UNC5C: variants seen among roughly 807,000 people sequenced by gnomAD.
The protein encoded by UNC5C is netrin receptor UNC5C.
UNC5C carries 47 observed loss-of-function variants against 99.8 expected under a neutral mutation model. The observed-to-expected ratio is 0.47, with a 90% confidence interval of 0.37 to 0.60. UNC5C has a LOEUF of 0.60. Ranked by LOEUF, UNC5C falls within the 20% of genes least tolerant of loss-of-function variation. The pLI is 0.00. For missense variants in UNC5C, 1,062 were observed against 1,165.9 expected (o/e 0.91, Z 1.30); for synonymous variants, 487 against 452.2 (o/e 1.08, Z -0.98).
intron 1 of UNC5C, among the ~76,000 whole-genome samples, chr4:95,416,372 C>T (rs35184587): frequency 0.16 from 24,176 of 152,054 alleles, 2,737 homozygotes; most frequent in Non-Finnish European, 0.22. Context: ...TCAGTTCATC[C>T]TTGAACAGTA....
At chr4:95,497,214 G>A (rs896526615) in intron 1 of UNC5C, among the ~76,000 whole-genome samples, 1 of 151,866 alleles carries the variant, frequency 6.6e-6, no homozygotes, top group African/African-American at 2.4e-5. Flanking sequence ...TGGATTGAAT[G>A]GTAGTTCTAC....
chr4:95,247,756 A>G (rs1739554999), intron 5 of UNC5C, among the ~76,000 whole-genome samples: 1 of 152,220 alleles, frequency 6.6e-6, no homozygotes, highest in African/African-American at 2.4e-5. Context: ...CATTCATTGT[A>G]TTTATGGATA....
intron 1 of UNC5C, among the ~76,000 whole-genome samples, chr4:95,367,658 T>C (rs1327792036): frequency 6.6e-6 from 1 of 152,184 alleles, no homozygotes; most frequent in Non-Finnish European, 1.5e-5. Context: ...TTAATTATGT[T>C]ACCTTGATGA....
At chr4:95,322,808 A>T (rs1364104751) in intron 2 of UNC5C, among the ~76,000 whole-genome samples, 1 of 151,902 alleles carries the variant, frequency 6.6e-6, no homozygotes, top group Non-Finnish European at 1.5e-5. Flanking sequence ...GCATGCCAGC[A>T]GCATCTGTAG....
At chr4:95,237,541 A>G (rs1560747328) in intron 7 of UNC5C, among the ~76,000 whole-genome samples, 2 of 152,240 alleles carry the variant, frequency 1.3e-5, no homozygotes, top group South Asian at 2.1e-4. Flanking sequence ...TCCAAACACT[A>G]TCAAACTGGT....
chr4:95,346,728 A>T (rs1349349352), intron 1 of UNC5C, among the ~76,000 whole-genome samples: 1 of 151,974 alleles, frequency 6.6e-6, no homozygotes, highest in Non-Finnish European at 1.5e-5. Context: ...TTCATGATAG[A>T]AAGACTAAAA....
At chr4:95,316,376 G>A (rs1742476312) in intron 2 of UNC5C, among the ~76,000 whole-genome samples, 1 of 152,242 alleles carries the variant, frequency 6.6e-6, no homozygotes, top group East Asian at 1.9e-4. Flanking sequence ...GACTTGGAGT[G>A]TGGACCCAAC....
chr4:95,232,521 G>T (rs1355049884), intron 7 of UNC5C, among the ~76,000 whole-genome samples: 1 of 151,978 alleles, frequency 6.6e-6, no homozygotes, highest in Non-Finnish European at 1.5e-5. Context: ...TGCAGCCCTG[G>T]ACCTGCACCC....
At chr4:95,224,883 C>A (rs1738620799) in intron 7 of UNC5C, among the ~76,000 whole-genome samples, 1 of 147,840 alleles carries the variant, frequency 6.8e-6, no homozygotes, top group African/African-American at 2.5e-5. Flanking sequence ...TGAAATTTGA[C>A]CTGGAGCTTG....
intron 4 of UNC5C, among the ~76,000 whole-genome samples, chr4:95,270,187 A>T (rs1438073285): frequency 6.6e-6 from 1 of 152,222 alleles, no homozygotes; most frequent in South Asian, 2.1e-4. Flanking sequence ...CAATCAAAAA[A>T]GTTCTCTACT....
chr4:95,284,718 CT>C (rs1356746554), intron 3 of UNC5C, among the ~76,000 whole-genome samples: 1 of 152,122 alleles, frequency 6.6e-6, no homozygotes, highest in African/African-American at 2.4e-5. Flanking sequence ...TGTAAATGCA[CT>C]AAGAATTATT....
intron 4 of UNC5C, among the ~76,000 whole-genome samples, chr4:95,254,193 CA>C (rs2149383437): frequency 6.6e-6 from 1 of 152,250 alleles, no homozygotes; most frequent in East Asian, 1.9e-4. Context: ...TAGTTATTTA[CA>C]GACCTCTGGG....
intron 1 of UNC5C, among the ~76,000 whole-genome samples, chr4:95,363,015 C>T (rs1744443189): frequency 6.6e-6 from 1 of 152,082 alleles, no homozygotes; most frequent in Admixed American, 6.6e-5. Flanking sequence ...TTTATGTAAA[C>T]ATCACCCCCT....
At chr4:95,436,963 C>A (rs1426169628) in intron 1 of UNC5C, among the ~76,000 whole-genome samples, 3 of 144,038 alleles carry the variant, frequency 2.1e-5, no homozygotes, top group African/African-American at 7.7e-5. Flanking sequence ...TGCCTTTAAT[C>A]GAACATAGAT....
chr4:95,490,893 A>G (rs772925468), intron 1 of UNC5C, among the ~76,000 whole-genome samples: 5 of 151,734 alleles, frequency 3.3e-5, no homozygotes, highest in Non-Finnish European at 5.9e-5. Context: ...TACTAGGTCA[A>G]GTTTAGAATA....
chr4:95,486,290 A>T (rs1721326336), intron 1 of UNC5C, among the ~76,000 whole-genome samples: 1 of 151,802 alleles, frequency 6.6e-6, no homozygotes, highest in Non-Finnish European at 1.5e-5. Context: ...CCTTTGACTA[A>T]GACTTAGATT....
At chr4:95,263,890 T>C (rs1740337965) in intron 4 of UNC5C, among the ~76,000 whole-genome samples, 1 of 152,214 alleles carries the variant, frequency 6.6e-6, no homozygotes, top group Non-Finnish European at 1.5e-5. Flanking sequence ...TCCTTATTAC[T>C]TTAAATAACT....
At chr4:95,463,616 AAAG>A (rs1375402924) in intron 1 of UNC5C, among the ~76,000 whole-genome samples, 1 of 152,196 alleles carries the variant, frequency 6.6e-6, no homozygotes, top group Admixed American at 6.5e-5. Flanking sequence ...AAAAGAGAAA[AAAG>A]AAGAAAAGAG....
chr4:95,434,601 A>T (rs1321929644), intron 1 of UNC5C, among the ~76,000 whole-genome samples: 1 of 152,010 alleles, frequency 6.6e-6, no homozygotes, highest in Non-Finnish European at 1.5e-5. Flanking sequence ...TTTCACTTTT[A>T]TTGACATGGA....
Sources: gnomAD v4.1 joint callset for allele counts (sites outside exome capture counted in the v4.1 genomes callset) on GRCh38, gnomAD v4.1.1 for gene constraint, MANE v1.5 for transcripts, NCBI Gene and HGNC (gene_info 2026-07-23, HGNC 2026-07-21) for gene names.